The following TSHZ2 variants were observed in gnomAD, a reference collection of about 807,000 sequenced individuals.
TSHZ2 encodes teashirt homolog 2.
In TSHZ2, 21 loss-of-function variants were observed where a neutral mutation model predicts 74.4. That is an observed-to-expected ratio of 0.28 (90% CI 0.20 to 0.41). The LOEUF is 0.41. Among genes scored for constraint, TSHZ2 ranks in the 10% least tolerant of loss-of-function variants. TSHZ2 has a pLI of 1.00. For synonymous variants in TSHZ2, 540 were observed against 515.3 expected, an observed-to-expected ratio of 1.05 and a Z score of -0.65; for missense variants, 1,244 against 1,293.5, an observed-to-expected ratio of 0.96 and a Z score of 0.59.
At chr20:53,088,200 T>G (rs2123251848) in intron 1 of TSHZ2, among the ~76,000 whole-genome samples, 1 of 152,332 alleles carries the variant, frequency 6.6e-6, no homozygotes, top group Admixed American at 6.5e-5. Context: ...GGGCTTAATT[T>G]GATTCATTTA....
At chr20:53,454,640 A>G (rs897664652) in intron 2 of TSHZ2, among the ~76,000 whole-genome samples, 1 of 151,828 alleles carries the variant, frequency 6.6e-6, no homozygotes, top group Non-Finnish European at 1.5e-5. Flanking sequence ...TCAGGTCTTC[A>G]TTCAGATGTC....
intron 2 of TSHZ2, among the ~76,000 whole-genome samples, chr20:53,485,236 T>G (rs1986261824): frequency 6.6e-6 from 1 of 152,228 alleles, no homozygotes; most frequent in Non-Finnish European, 1.5e-5. Flanking sequence ...GTGTTATGTA[T>G]TATTGAATAA....
chr20:53,150,253 G>C (rs1004463797), intron 1 of TSHZ2, among the ~76,000 whole-genome samples: 1 of 152,086 alleles, frequency 6.6e-6, no homozygotes, highest in Non-Finnish European at 1.5e-5. Context: ...CCTCTTATTG[G>C]GAGGGTGAAT....
intron 2 of TSHZ2, chr20:53,453,126 G>A (rs1372529513): frequency 2.0e-5 from 3 of 152,224 alleles, no homozygotes; most frequent in Non-Finnish European, 4.4e-5. Context: ...GCACAAAAGA[G>A]ACACTTGGTA....
chr20:53,462,087 AG>A (rs1226522195), intron 2 of TSHZ2, among the ~76,000 whole-genome samples: 84 of 151,916 alleles, frequency 5.5e-4, no homozygotes, highest in African/African-American at 2.0e-3. Context: ...CAAAAAAAAA[AG>A]AAAAAAAGAA....
At chr20:53,059,000 T>C (rs747046341) in intron 1 of TSHZ2, among the ~76,000 whole-genome samples, 6 of 152,244 alleles carry the variant, frequency 3.9e-5, no homozygotes, top group Non-Finnish European at 8.8e-5. Flanking sequence ...CTCATGCTAG[T>C]GATTTTTATT....
chr20:53,226,462 C>G (rs1208005706), intron 1 of TSHZ2, among the ~76,000 whole-genome samples: 2 of 149,810 alleles, frequency 1.3e-5, no homozygotes, highest in African/African-American at 5.1e-5. Flanking sequence ...GTATGTGTAA[C>G]TCTCTCTCTT....
chr20:53,361,326 C>A (rs1981043332), intron 2 of TSHZ2, among the ~76,000 whole-genome samples: 1 of 152,168 alleles, frequency 6.6e-6, no homozygotes, highest in Admixed American at 6.5e-5. Context: ...CTTCCTCAGG[C>A]CTGCAACATA....
intron 1 of TSHZ2, among the ~76,000 whole-genome samples, chr20:53,028,301 G>T (rs1019044003): frequency 6.6e-6 from 1 of 152,148 alleles, no homozygotes; most frequent in Admixed American, 6.5e-5. Flanking sequence ...GAATAACAAA[G>T]GTTCATCCTC....
At chr20:53,013,403 C>T (rs577621716) in intron 1 of TSHZ2, among the ~76,000 whole-genome samples, 2 of 152,122 alleles carry the variant, frequency 1.3e-5, no homozygotes, top group South Asian at 4.2e-4. Context: ...AGAGGAAATA[C>T]ATAGAGACAA....
At chr20:53,104,809 A>G (rs1986317491) in intron 1 of TSHZ2, among the ~76,000 whole-genome samples, 1 of 152,202 alleles carries the variant, frequency 6.6e-6, no homozygotes, top group Non-Finnish European at 1.5e-5. Context: ...AGTTCTTACG[A>G]AGGTCTCAAA....
intron 2 of TSHZ2, among the ~76,000 whole-genome samples, chr20:53,277,983 A>G (rs1163961739): frequency 6.6e-6 from 1 of 152,080 alleles, no homozygotes; most frequent in Non-Finnish European, 1.5e-5. Flanking sequence ...TCTCATCTCT[A>G]CTTACTACCC....
chr20:53,103,863 A>G (rs1382980651), intron 1 of TSHZ2, among the ~76,000 whole-genome samples: 2 of 152,220 alleles, frequency 1.3e-5, no homozygotes, highest in African/African-American at 4.8e-5. Context: ...AGGTGGGACA[A>G]GATTTCATTA....
chr20:53,278,167 G>C (rs1221713966), intron 2 of TSHZ2, among the ~76,000 whole-genome samples: 1 of 151,860 alleles, frequency 6.6e-6, no homozygotes, highest in Non-Finnish European at 1.5e-5. Context: ...CTTAAACATC[G>C]TCTTCTTTAA....
At chr20:53,020,022 A>G (rs1353552201) in intron 1 of TSHZ2, among the ~76,000 whole-genome samples, 2 of 152,186 alleles carry the variant, frequency 1.3e-5, no homozygotes, top group East Asian at 1.9e-4. Flanking sequence ...CACGTCCTAC[A>G]TGGTGGCAGG....
chr20:53,431,469 A>AAGAAG (rs1262501892), intron 2 of TSHZ2, among the ~76,000 whole-genome samples: 2 of 151,234 alleles, frequency 1.3e-5, no homozygotes, highest in Non-Finnish European at 2.9e-5. Flanking sequence ...AAAAAAAAAA[A>AAGAAG]AAGAAGAAGA....
At position 53,051,457 on chromosome 20, in the gene TSHZ2, GCACACACA is replaced by G. The variant is rs11474223; in HGVS notation, c.40+78155_40+78162del. Among the ~76,000 whole-genome samples, 1,114 of 145,206 alleles carry G rather than the reference GCACACACA, an allele frequency of 7.7e-3. 17 individuals carry two copies. The highest frequency in any genetic ancestry group is 0.023 in the African/African-American group (924 of 40,004). ...CTTATCATATTACTCTGTGGCGCAC[GCACACACA>G]CACACACACACACACACACACACAC... On this transcript the variant is annotated intron_variant, in intron 1 of 2. Coordinates refer to ENST00000371497, the MANE Select transcript of TSHZ2 (RefSeq NM_173485.6).
chr20:53,300,494 A>T (rs1991459191), intron 2 of TSHZ2, among the ~76,000 whole-genome samples: 1 of 152,182 alleles, frequency 6.6e-6, no homozygotes, highest in Non-Finnish European at 1.5e-5. Flanking sequence ...AAAGGATTTG[A>T]AGGGTTAGTA....
intron 1 of TSHZ2, among the ~76,000 whole-genome samples, chr20:52,977,422 ACACACAC>A (rs1981385149): frequency 3.5e-3 from 1 of 284 alleles, no homozygotes. Flanking sequence ...ATGGAAAAAT[ACACACAC>A]ACACACACAC....
Sources: gnomAD v4.1 joint callset for allele counts (sites outside exome capture counted in the v4.1 genomes callset) on GRCh38, gnomAD v4.1.1 for gene constraint, MANE v1.5 for transcripts, NCBI Gene and HGNC (gene_info 2026-07-23, HGNC 2026-07-21) for gene names.